MGAT4C: variants seen among roughly 807,000 people sequenced by gnomAD.
MGAT4C encodes MGAT4 family member C.
Under a neutral mutation model 40.1 loss-of-function variants are expected in MGAT4C, and 19 were observed. The ratio of observed to expected loss-of-function variants is 0.47; its 90% CI spans 0.33 to 0.70. The LOEUF (loss-of-function observed/expected upper bound fraction) is 0.70. MGAT4C is among the 30% of genes least tolerant of loss of function. The pLI, the probability that MGAT4C is intolerant of heterozygous loss-of-function variation, is 0.02. For synonymous variants in MGAT4C, 181 were observed against 187.1 expected (o/e 0.97, Z 0.27); for missense variants, 491 against 563.2 (o/e 0.87, Z 1.30).
At position 86,151,955 on chromosome 12, in the gene MGAT4C, T is replaced by A. The variant is rs941920708; in HGVS notation, c.-56-102232A>T. 2.6e-5 allele frequency among the ~76,000 whole-genome samples: 4 copies of A among 152,336 alleles called. No individual in the cohort carries two copies. The East Asian group carries it at 7.8e-4, about 30-fold the overall frequency. Reference sequence around the variant, plus strand: ...TGTCCCAGCTTGGTATACTAACTTATGTGATCCAGTCTGTCTTCCTGGTCC... The same window carrying A: ...TGTCCCAGCTTGGTATACTAACTTAAGTGATCCAGTCTGTCTTCCTGGTCC... On this transcript the variant is annotated intron_variant, in intron 1 of 4. Coordinates refer to ENST00000611864, the MANE Select transcript of MGAT4C (RefSeq NM_001351288.2).
chr12:86,432,084 A>T (rs989609349), intron 3 of MGAT4C, among the ~76,000 whole-genome samples: 1 of 152,220 alleles, frequency 6.6e-6, no homozygotes, highest in East Asian at 1.9e-4. Flanking sequence ...AAGTTAGGAG[A>T]GTGTTAAGGA....
intron 4 of MGAT4C, among the ~76,000 whole-genome samples, chr12:86,310,575 C>T (rs1286760203): frequency 6.6e-6 from 1 of 152,108 alleles, no homozygotes; most frequent in African/African-American, 2.4e-5. Flanking sequence ...TGACTCCATT[C>T]CTACAGGTTG....
At position 86,665,681 on chromosome 12, in the gene MGAT4C, T is replaced by C. The variant is rs576414821; in HGVS notation, c.-229+61528A>G. 3.3e-5 allele frequency among the ~76,000 whole-genome samples: 5 copies of C among 152,332 alleles called. No individual in the cohort carries two copies. In the East Asian group the frequency reaches 9.7e-4, roughly 29 times the overall value. On this transcript the variant is annotated intron_variant, in intron 2 of 7. Coordinates refer to the MGAT4C transcript ENST00000548651. ...CCACCGCTCCCAGCCGGAAAAGTTA[T>C]ACAACTTTTATACAAAATATACAAT...
At chr12:86,100,786 A>G (rs1418182982) in intron 1 of MGAT4C, among the ~76,000 whole-genome samples, 2 of 151,492 alleles carry the variant, frequency 1.3e-5, no homozygotes, top group African/African-American at 4.8e-5. Flanking sequence ...AAAATTTTGG[A>G]TTTTTTTCCA....
chr12:86,278,488 T>A (rs1048024606), intron 4 of MGAT4C, among the ~76,000 whole-genome samples: 6 of 152,104 alleles, frequency 3.9e-5, no homozygotes, highest in African/African-American at 1.4e-4. Flanking sequence ...TTTGTTTATT[T>A]CTTTTTCAGA....
chr12:86,226,315 G>A (rs1296330028), intron 1 of MGAT4C, among the ~76,000 whole-genome samples: 1 of 151,858 alleles, frequency 6.6e-6, no homozygotes, highest in Non-Finnish European at 1.5e-5. Context: ...CTTAAAATGT[G>A]AGGTATATTT....
chr12:86,103,916 G>A (rs1875614259), intron 1 of MGAT4C, among the ~76,000 whole-genome samples: 1 of 151,624 alleles, frequency 6.6e-6, no homozygotes, highest in African/African-American at 2.4e-5. Context: ...AAAATTTGAT[G>A]AACAAATTAT....
At chr12:86,320,987 A>G (rs978694520) in intron 4 of MGAT4C, among the ~76,000 whole-genome samples, 10 of 152,146 alleles carry the variant, frequency 6.6e-5, no homozygotes, top group African/African-American at 1.2e-4. Flanking sequence ...AAGATAGGAA[A>G]AAATCAAAAA....
intron 2 of MGAT4C, among the ~76,000 whole-genome samples, chr12:86,720,052 A>C (rs577301651): frequency 6.6e-6 from 1 of 152,296 alleles, no homozygotes; most frequent in South Asian, 2.1e-4. Context: ...TCTTAATTTA[A>C]AAATATTTTG....
At chr12:86,790,392 G>A (rs545267389) in intron 1 of MGAT4C, among the ~76,000 whole-genome samples, 1 of 151,990 alleles carries the variant, frequency 6.6e-6, no homozygotes, top group African/African-American at 2.4e-5. Context: ...AAGAGGGAGG[G>A]CAAATGCTAC....
intron 1 of MGAT4C, among the ~76,000 whole-genome samples, chr12:86,164,311 A>G (rs1453562362): frequency 6.6e-6 from 1 of 152,190 alleles, no homozygotes; most frequent in East Asian, 1.9e-4. Flanking sequence ...ATTGATGTGA[A>G]TTAGGTGATG....
rs913086675 is a variant in MGAT4C at position 85,963,306 on chromosome 12, T to A, written c.*15983A>T. On this transcript the variant is annotated 3_prime_UTR_variant, in exon 5 of 5. Transcript: ENST00000611864. Reference sequence around the variant, plus strand: ...CTTTAGAATAAATACAACATTTTTATGTAGAAATATATTCTTGAAATGTAA... The same window carrying A: ...CTTTAGAATAAATACAACATTTTTAAGTAGAAATATATTCTTGAAATGTAA... The A allele has an allele frequency of 2.0e-5, 3 of 152,190 alleles. No individual in the cohort carries two copies. Among genetic ancestry groups the A allele is most frequent in the Admixed American group, 2.0e-4 (3 of 15,268 alleles). 9.4% of individuals were successfully genotyped at this position (152,190 alleles called of 1,614,324 possible). A position where few individuals can be genotyped will look rare whatever the true frequency, so the allele number is the denominator to read the frequency against.
At chr12:86,290,661 AC>A (rs899051343) in intron 4 of MGAT4C, among the ~76,000 whole-genome samples, 7 of 151,970 alleles carry the variant, frequency 4.6e-5, no homozygotes, top group African/African-American at 1.7e-4. Flanking sequence ...CATGCAATTT[AC>A]CCATGTAACA....
chr12:86,295,981 A>G (rs1227021888), intron 4 of MGAT4C, among the ~76,000 whole-genome samples: 6 of 131,940 alleles, frequency 4.5e-5, no homozygotes, highest in South Asian at 2.8e-4. Context: ...ACAGAGTGTC[A>G]ATTGGTGCAC....
At chr12:86,649,865 C>A (rs1045710590) in intron 2 of MGAT4C, among the ~76,000 whole-genome samples, 1 of 151,648 alleles carries the variant, frequency 6.6e-6, no homozygotes, top group Non-Finnish European at 1.5e-5. Context: ...TTTAAAATAC[C>A]TATACTATTT....
intron 1 of MGAT4C, among the ~76,000 whole-genome samples, chr12:86,201,529 A>C (rs1347102557): frequency 2.7e-5 from 4 of 149,770 alleles, no homozygotes; most frequent in Non-Finnish European, 4.4e-5. Context: ...TAAATTTAAA[A>C]TTTATATTTT....
At chr12:86,717,251 C>A (rs1452133625) in intron 2 of MGAT4C, among the ~76,000 whole-genome samples, 2 of 150,968 alleles carry the variant, frequency 1.3e-5, no homozygotes, top group African/African-American at 4.9e-5. Context: ...ACACAGAGTT[C>A]ATTCTTAAAC....
intron 2 of MGAT4C, among the ~76,000 whole-genome samples, chr12:86,019,465 A>C (rs1889430338): frequency 6.6e-6 from 1 of 152,178 alleles, no homozygotes; most frequent in South Asian, 2.1e-4. Flanking sequence ...AGAGTTTATC[A>C]GAGAGATAAA....
intron 2 of MGAT4C, among the ~76,000 whole-genome samples, chr12:86,595,380 A>C: frequency 6.6e-6 from 1 of 152,104 alleles, no homozygotes; most frequent in East Asian, 1.9e-4. Flanking sequence ...AAAATACAAA[A>C]ATTAGCAGGA....
Sources: gnomAD v4.1 joint callset for allele counts (sites outside exome capture counted in the v4.1 genomes callset) on GRCh38, gnomAD v4.1.1 for gene constraint, MANE v1.5 for transcripts, NCBI Gene and HGNC (gene_info 2026-07-23, HGNC 2026-07-21) for gene names.